The following ACAD10 variants were observed in gnomAD, a reference collection of about 807,000 sequenced individuals.
ACAD10 encodes the protein ACAD-10.
ACAD10 carries 112 observed loss-of-function variants against 116.8 expected under a neutral mutation model. The observed-to-expected ratio is 0.96, with a 90% CI of 0.82 to 1.12. The LOEUF (loss-of-function observed/expected upper bound fraction) is 1.12. ACAD10 is among the 50% of genes most tolerant of loss of function. ACAD10 has a pLI of 0.00. For missense variants in ACAD10, 1,259 were observed against 1,350.2 expected (o/e 0.93, Z 1.06); for synonymous variants, 486 against 510.6 (o/e 0.95, Z 0.65).
At chr12:111,733,622 CAGGG>C (rs1043259527) in intron 10 of ACAD10, among the ~76,000 whole-genome samples, 1 of 152,152 alleles carries the variant, frequency 6.6e-6, no homozygotes, top group Admixed American at 6.5e-5. Flanking sequence ...AAAACCATCA[CAGGG>C]AGGGAGTAAT....
At chr12:111,723,920 G>A (rs1236057568) in intron 8 of ACAD10, among the ~76,000 whole-genome samples, 3 of 150,660 alleles carry the variant, frequency 2.0e-5, no homozygotes, top group Non-Finnish European at 4.4e-5. Context: ...GGTCTCGGCC[G>A]GGCAGAGGCG....
intron 18 of ACAD10, chr12:111,753,414 G>A (rs1890124780): frequency 1.1e-5 from 5 of 454,516 alleles, no homozygotes; most frequent in Admixed American, 2.4e-5. Context: ...CTCATTCCCA[G>A]GAGTAGCCTT....
At chr12:111,742,716 T>C (rs1889778365) in intron 12 of ACAD10, among the ~76,000 whole-genome samples, 1 of 152,064 alleles carries the variant, frequency 6.6e-6, no homozygotes, top group African/African-American at 2.4e-5. Flanking sequence ...AAATAAAATA[T>C]TTATTTTTTT....
chr12:111,692,666 A>G, intron 1 of ACAD10, 31 bp from the exon 2 acceptor site: 1 of 1,588,192 alleles, frequency 6.3e-7, no homozygotes, highest in Non-Finnish European at 8.6e-7. Flanking sequence ...CAGTGCAGGC[A>G]AGTAACGCCC....
chr12:111,721,593 AAAAAC>A, intron 7 of ACAD10, 73 bp from the exon 8 acceptor site: 1 of 1,372,068 alleles, frequency 7.3e-7, no homozygotes, highest in South Asian at 1.2e-5. Context: ...CAAACAAACA[AAAAAC>A]AAAGAAAAGT....
chr12:111,698,542 A>G (rs901876328), intron 2 of ACAD10, among the ~76,000 whole-genome samples: 2 of 151,126 alleles, frequency 1.3e-5, no homozygotes, highest in Non-Finnish European at 2.9e-5. Context: ...TAATGGTGCA[A>G]TCTTGGCTCA....
chr12:111,743,369 GTTTT>G (rs869257828), intron 12 of ACAD10, among the ~76,000 whole-genome samples: 5 of 136,432 alleles, frequency 3.7e-5, no homozygotes, highest in Non-Finnish European at 8.1e-5. Flanking sequence ...GAAATATTCT[GTTTT>G]TTTTTTTTTT....
intron 8 of ACAD10, among the ~76,000 whole-genome samples, chr12:111,727,110 C>T (rs570269427): frequency 2.0e-5 from 3 of 151,996 alleles, no homozygotes; most frequent in South Asian, 4.2e-4. Context: ...CCTGGAGTCC[C>T]AACTATTTGG....
intron 18 of ACAD10, chr12:111,753,475 C>A: frequency 1.6e-6 from 1 of 607,936 alleles, no homozygotes; most frequent in South Asian, 1.5e-5. Flanking sequence ...GTAGCCAGGC[C>A]TGCCCAGATG....
rs548381834 is a variant in ACAD10, at chr12:111,709,512, TG to T, written c.532-13del. 336 of 1,538,542 alleles carry T rather than the reference TG, an allele frequency of 2.2e-4. 1 individual carries two copies. In the African/African-American group the frequency reaches 4.2e-3, roughly 19 times the overall value. On this transcript the variant is annotated splice_polypyrimidine_tract_variant and intron_variant, in intron 4 of 20. Coordinates refer to ENST00000313698, the MANE Select transcript of ACAD10 (RefSeq NM_025247.6). ...TTTCGGGACATTCATCTCTCATTCC[TG>T]TCCCTCCATCAGATTGTGGAGTCCT...
At chr12:111,755,594 G>C (rs1194476513) in intron 19 of ACAD10, 74 bp from the exon 20 acceptor site, 1 of 1,096,306 alleles carries the variant, frequency 9.1e-7, no homozygotes, top group East Asian at 2.4e-5. Flanking sequence ...GTAGAGATGG[G>C]GGACGGGGGG....
intron 12 of ACAD10, among the ~76,000 whole-genome samples, chr12:111,737,567 T>C (rs1889606873): frequency 6.6e-6 from 1 of 152,188 alleles, no homozygotes; most frequent in Non-Finnish European, 1.5e-5. Context: ...TTCATGCACA[T>C]GATCAAAATT....
At chr12:111,729,333 G>A (rs573825630) in intron 9 of ACAD10, among the ~76,000 whole-genome samples, 1 of 152,272 alleles carries the variant, frequency 6.6e-6, no homozygotes, top group South Asian at 2.1e-4. Context: ...CGCCTCCTGG[G>A]TTCAAGCGAT....
intron 12 of ACAD10, 170 bp from the exon 13 acceptor site, chr12:111,744,473 G>A (rs965705458): frequency 1.3e-6 from 1 of 766,756 alleles, no homozygotes; most frequent in Non-Finnish European, 2.1e-6. Flanking sequence ...GAAAGCAGTT[G>A]TATTGCTTTG....
chr12:111,746,814 A>C (rs377345645), intron 14 of ACAD10, among the ~76,000 whole-genome samples: 1 of 152,204 alleles, frequency 6.6e-6, no homozygotes, highest in African/African-American at 2.4e-5. Context: ...CAGCGTGTGC[A>C]ACATAGAACT....
intron 17 of ACAD10, 52 bp from the exon 18 acceptor site, chr12:111,749,120 TC>T: frequency 6.2e-7 from 1 of 1,613,840 alleles, no homozygotes; most frequent in East Asian, 2.2e-5. Flanking sequence ...AATAAACACA[TC>T]CAAGGAAAAT....
chr12:111,748,565 C>G, intron 17 of ACAD10, 90 bp downstream of exon 17: 1 of 1,402,052 alleles, frequency 7.1e-7, no homozygotes, highest in Non-Finnish European at 9.9e-7. Flanking sequence ...TCAGGACTTG[C>G]CACATCCCAC....
intron 12 of ACAD10, among the ~76,000 whole-genome samples, chr12:111,740,460 C>CA (rs563956614): frequency 0.027 from 1,944 of 70,978 alleles, 71 homozygotes; most frequent in African/African-American, 0.083. Context: ...GACTCCATCT[C>CA]AAAAAAAAAA....
At chr12:111,730,692 A>T (rs1593041838) in intron 10 of ACAD10, among the ~76,000 whole-genome samples, 1 of 151,048 alleles carries the variant, frequency 6.6e-6, no homozygotes, top group South Asian at 2.1e-4. Context: ...CCATCTGGGG[A>T]CTCAGGCCTT....
Sources: gnomAD v4.1 joint callset for allele counts (sites outside exome capture counted in the v4.1 genomes callset) on GRCh38, gnomAD v4.1.1 for gene constraint, MANE v1.5 for transcripts, NCBI Gene and HGNC (gene_info 2026-07-23, HGNC 2026-07-21) for gene names.